The following NUDT3 variants were observed in gnomAD, a reference collection of about 807,000 sequenced individuals.
NUDT3 encodes nudix hydrolase 3, also known as diphosphoinositol polyphosphate phosphohydrolase 1.
In NUDT3, 9 loss-of-function variants were observed where a neutral mutation model predicts 23.6. The observed-to-expected ratio is 0.38, with a 90% confidence interval of 0.23 to 0.66. NUDT3 has a LOEUF of 0.66. Among genes scored for constraint, NUDT3 ranks in the 30% least tolerant of loss-of-function variants. The probability of loss-of-function intolerance (pLI) is 0.52; values close to 1 mark genes in which losing one functional copy is unlikely to be tolerated. For synonymous variants in NUDT3, 86 were observed against 82.6 expected (o/e 1.04, Z -0.22); for missense variants, 172 against 218.5 (o/e 0.79, Z 1.34).
chr6:34,325,917 A>G (rs770124218), intron 2 of NUDT3, among the ~76,000 whole-genome samples: 3 of 152,230 alleles, frequency 2.0e-5, no homozygotes, highest in African/African-American at 7.2e-5. Context: ...CCAGCTCAGG[A>G]ACTTGAATAT....
intron 2 of NUDT3, among the ~76,000 whole-genome samples, chr6:34,320,327 AGC>A (rs1283387539): frequency 6.6e-6 from 1 of 152,086 alleles, no homozygotes; most frequent in Non-Finnish European, 1.5e-5. Context: ...CCGGGTTTAA[AGC>A]GATTCTCCTG....
At chr6:34,390,471 C>T (rs1765179853) in intron 1 of NUDT3, among the ~76,000 whole-genome samples, 1 of 151,922 alleles carries the variant, frequency 6.6e-6, no homozygotes, top group African/African-American at 2.4e-5. Flanking sequence ...TGCTAGTTTG[C>T]TTATGATCTA....
At chr6:34,314,730 A>G (rs1328964026) in intron 2 of NUDT3, among the ~76,000 whole-genome samples, 1 of 152,094 alleles carries the variant, frequency 6.6e-6, no homozygotes, top group Non-Finnish European at 1.5e-5. Context: ...GCTTTGGGAG[A>G]CACTCCTGAG....
Position 34,284,040 on chromosome 6 carries a change from A to G in NUDT3, c.*4713T>C, listed in dbSNP as rs1408218581. 2 of 152,184 alleles carry G rather than the reference A, an allele frequency of 1.3e-5. No homozygotes were observed. The highest frequency in any genetic ancestry group is 6.5e-5 in the Admixed American group (1 of 15,270). 9.4% of individuals were successfully genotyped at this position (152,184 alleles called of 1,614,324 possible). On this transcript the variant is annotated 3_prime_UTR_variant, in exon 5 of 5. Transcript: ENST00000607016. The stretch of plus-strand genomic sequence containing the variant: ...CTGAGCCATTAACATGCACAGCTCC[A>G]TATCCTGGAAGCCTCTGTAGCCTTG...
chr6:34,374,963 T>G (rs1158997991), intron 1 of NUDT3, among the ~76,000 whole-genome samples: 1 of 152,180 alleles, frequency 6.6e-6, no homozygotes, highest in Non-Finnish European at 1.5e-5. Context: ...CTCTTTCCCC[T>G]CTCCAGCGTC....
chr6:34,312,661 A>G (rs796082065), intron 2 of NUDT3, among the ~76,000 whole-genome samples: 80 of 152,262 alleles, frequency 5.3e-4, no homozygotes, highest in African/African-American at 1.9e-3. Flanking sequence ...TTCTGGGCTC[A>G]CTATTGTTCC....
intron 1 of NUDT3, among the ~76,000 whole-genome samples, chr6:34,362,193 A>G (rs913078041): frequency 8.5e-5 from 13 of 152,228 alleles, no homozygotes; most frequent in African/African-American, 3.1e-4. Flanking sequence ...TACATTCATT[A>G]TATATACACA....
At chr6:34,343,702 G>T (rs1764322847) in intron 1 of NUDT3, among the ~76,000 whole-genome samples, 1 of 152,086 alleles carries the variant, frequency 6.6e-6, no homozygotes, top group Non-Finnish European at 1.5e-5. Context: ...CAAATTCTTA[G>T]ATATGAAGCA....
intron 2 of NUDT3, among the ~76,000 whole-genome samples, chr6:34,322,569 C>G (rs903876361): frequency 2.0e-5 from 3 of 152,074 alleles, no homozygotes; most frequent in African/African-American, 4.8e-5. Context: ...TGGGGACAGG[C>G]ATATGGGAAG....
chr6:34,346,956 T>TG (rs1485069982), intron 1 of NUDT3, among the ~76,000 whole-genome samples: 6 of 152,072 alleles, frequency 3.9e-5, no homozygotes, highest in Admixed American at 3.3e-4. Context: ...TTTTTAGAGA[T>TG]GGGGGTCTCA....
chr6:34,340,802 C>T (rs975149131), intron 2 of NUDT3, among the ~76,000 whole-genome samples: 1 of 152,112 alleles, frequency 6.6e-6, no homozygotes, highest in South Asian at 2.1e-4. Context: ...TGATGGGAAA[C>T]GTGATTTTTG....
At chr6:34,369,554 G>C (rs1764795249) in intron 1 of NUDT3, among the ~76,000 whole-genome samples, 1 of 152,124 alleles carries the variant, frequency 6.6e-6, no homozygotes, top group African/African-American at 2.4e-5. Context: ...AGGTAAGTAA[G>C]ATAACGTCAA....
intron 2 of NUDT3, among the ~76,000 whole-genome samples, chr6:34,320,457 C>T (rs1198173205): frequency 1.3e-5 from 2 of 152,184 alleles, no homozygotes; most frequent in Middle Eastern, 3.4e-3. Flanking sequence ...CTCCTAACCT[C>T]GTGATCCGCC....
chr6:34,322,657 C>G (rs1166900538), intron 2 of NUDT3, among the ~76,000 whole-genome samples: 1 of 152,084 alleles, frequency 6.6e-6, no homozygotes, highest in Non-Finnish European at 1.5e-5. Context: ...AGGTTAAGGC[C>G]TAGTGAGGAA....
Position 34,354,462 on chromosome 6 carries a change from C to T in NUDT3, c.100-12490G>A, listed in dbSNP as rs545910924. Among the ~76,000 whole-genome samples, 12 of 151,616 alleles carry T rather than the reference C, an allele frequency of 7.9e-5. No individual in the cohort carries two copies. In the South Asian group the frequency reaches 2.3e-3, roughly 29 times the overall value. ...TCTTGGCCGGGCACAGTGGCTCACG[C>T]CTGTAATCTCAACACTCTGGGAGGC... is the stretch of plus-strand genomic sequence containing the variant. On this transcript the variant is annotated intron_variant, in intron 1 of 4. Coordinates refer to ENST00000607016, the MANE Select transcript of NUDT3 (RefSeq NM_006703.4).
intron 2 of NUDT3, among the ~76,000 whole-genome samples, chr6:34,298,109 C>A (rs1431084355): frequency 6.6e-6 from 1 of 152,020 alleles, no homozygotes; most frequent in African/African-American, 2.4e-5. Context: ...AGCCTGTAAT[C>A]CCAGCACTTT....
intron 1 of NUDT3, among the ~76,000 whole-genome samples, chr6:34,360,949 G>A (rs1280783001): frequency 6.6e-6 from 1 of 152,164 alleles, no homozygotes; most frequent in East Asian, 1.9e-4. Context: ...GGGGCCAGGA[G>A]CAGTAGCTCA....
At chr6:34,323,758 C>T (rs961256265) in intron 2 of NUDT3, among the ~76,000 whole-genome samples, 3 of 152,020 alleles carry the variant, frequency 2.0e-5, no homozygotes, top group East Asian at 1.9e-4. Flanking sequence ...AAAGCGAGTA[C>T]GCAAAAGGTC....
chr6:34,308,430 C>T (rs1763717564), intron 2 of NUDT3, among the ~76,000 whole-genome samples: 2 of 147,130 alleles, frequency 1.4e-5, no homozygotes, highest in Admixed American at 6.8e-5. Flanking sequence ...CACTGCACTC[C>T]AGCCTGGGAG....
Sources: gnomAD v4.1 joint callset for allele counts (sites outside exome capture counted in the v4.1 genomes callset) on GRCh38, gnomAD v4.1.1 for gene constraint, MANE v1.5 for transcripts, NCBI Gene and HGNC (gene_info 2026-07-23, HGNC 2026-07-21) for gene names.